B3GALNT2: variants seen among roughly 807,000 people sequenced by gnomAD.
B3GALNT2 encodes beta-1,3-N-acetylgalactosaminyltransferase 2, also known as UDP-GalNAc:beta-1,3-N-acetylgalactosaminyltransferase 2.
A neutral mutation model predicts 61.1 loss-of-function variants in B3GALNT2; 53 were observed. The ratio of observed to expected loss-of-function variants is 0.87; its 90% confidence interval spans 0.70 to 1.09. The LOEUF is 1.09. Ranked by LOEUF, B3GALNT2 falls within the 50% of genes least tolerant of loss-of-function variation. The pLI is 0.00. For missense variants in B3GALNT2, 544 were observed against 623.0 expected (o/e 0.87, Z 1.35); for synonymous variants, 223 against 237.4 (o/e 0.94, Z 0.56).
chr1:235,467,103 C>G (rs1216645114), intron 6 of B3GALNT2, among the ~76,000 whole-genome samples: 1 of 152,138 alleles, frequency 6.6e-6, no homozygotes, highest in Non-Finnish European at 1.5e-5. Flanking sequence ...AATCCCAGCA[C>G]TTTGGGAGGC....
Position 235,449,026 on chromosome 1 carries a change from A to G in B3GALNT2, c.*1180T>C, listed in dbSNP as rs534021496. On this transcript the variant is annotated 3_prime_UTR_variant, in exon 12 of 12. Transcript: ENST00000366600. ...ACAGCTCATCACTGCATTTCATGAT[A>G]AGATTTAAATATTAAATAGAAAGAA... 2.6e-6 allele frequency: 1 copy of G among 377,566 alleles called. No individual in the cohort carries two copies. The highest frequency in any genetic ancestry group is 2.1e-5 in the African/African-American group (1 of 48,174). 23.4% of individuals were successfully genotyped at this position (377,566 alleles called of 1,614,324 possible). A position where few individuals can be genotyped will look rare whatever the true frequency, so the allele number is the denominator to read the frequency against.
intron 8 of B3GALNT2, 130 bp downstream of exon 8, chr1:235,458,473 T>G: frequency 8.1e-7 from 1 of 1,232,686 alleles, no homozygotes; most frequent in African/African-American, 1.6e-5. Context: ...TTGCCTGCAC[T>G]CAGGAGTTCA....
At chr1:235,441,607 C>T in the B3GALNT2 span, 1 of 579,024 alleles carries the variant, frequency 1.7e-6, no homozygotes, top group Non-Finnish European at 3.1e-6. Context: ...ACAGAGTCTG[C>T]AGCTCTGGGT....
chr1:235,450,103 G>C lies in B3GALNT2; in HGVS notation c.*103C>G, dbSNP rs548504968. The C allele has an allele frequency of 2.8e-4, 389 of 1,406,174 alleles. 5 individuals are homozygous for C. The South Asian group carries it at 4.6e-3, about 17-fold the overall frequency. 87.1% of individuals were successfully genotyped at this position (1,406,174 alleles called of 1,614,324 possible). ...GAAAGTGCCAGTCTGGAACTCTCTT[G>C]AAAGACCATACAGTCTACTGCTAAA... is the stretch of plus-strand genomic sequence containing the variant. On this transcript the variant is annotated 3_prime_UTR_variant, in exon 12 of 12. Transcript: ENST00000366600.
intron 2 of B3GALNT2, among the ~76,000 whole-genome samples, chr1:235,493,035 A>G (rs138935591): frequency 8.5e-5 from 13 of 152,304 alleles, no homozygotes; most frequent in African/African-American, 2.9e-4. Flanking sequence ...TAAAAGGATC[A>G]CTCTGGCTGC....
chr1:235,447,598 G>T lies in B3GALNT2; in HGVS notation c.*2608C>A, dbSNP rs1402801622. ...GTTGGCACCCTAATTTTACAGAGGGGGAACTAAGGCCAGAGTTGAGAGATG... is the reference window on the plus strand; with the variant it reads ...GTTGGCACCCTAATTTTACAGAGGGTGAACTAAGGCCAGAGTTGAGAGATG... On this transcript the variant is annotated 3_prime_UTR_variant, in exon 12 of 12. Transcript: ENST00000366600. Among the ~76,000 whole-genome samples the T allele has an allele frequency of 6.6e-6, 1 of 152,086 alleles. No homozygotes were observed. Among genetic ancestry groups the T allele is most frequent in the Non-Finnish European group, 1.5e-5 (1 of 68,020 alleles).
chr1:235,485,574 G>A (rs1432622274), intron 3 of B3GALNT2, among the ~76,000 whole-genome samples: 1 of 152,130 alleles, frequency 6.6e-6, no homozygotes, highest in Non-Finnish European at 1.5e-5. Context: ...GGGATTACAG[G>A]CATGAGCCAC....
At chr1:235,443,285 T>C (rs1682028116), downstream of B3GALNT2, among the ~76,000 whole-genome samples, 1 of 152,124 alleles carries the variant, frequency 6.6e-6, no homozygotes. Flanking sequence ...CACGGCAGCC[T>C]CTGCTTCCTG....
At chr1:235,495,272 T>C (rs1372307130) in intron 1 of B3GALNT2, among the ~76,000 whole-genome samples, 1 of 152,182 alleles carries the variant, frequency 6.6e-6, no homozygotes, top group Admixed American at 6.6e-5. Context: ...ATAAAGCTGT[T>C]GTAAAAATTA....
rs1238205977 is a variant in B3GALNT2 at position 235,447,346 on chromosome 1, T to C, written c.*2860A>G. ...TTGTAGGAACACCACACTATTGCTG[T>C]ATCTCCAGCTAAAGCTTCAAGGAAA... On this transcript the variant is annotated 3_prime_UTR_variant, in exon 12 of 12. Coordinates refer to ENST00000366600, the MANE Select transcript of B3GALNT2 (RefSeq NM_152490.5). Among the ~76,000 whole-genome samples the C allele has an allele frequency of 1.3e-5, 2 of 152,234 alleles. No individual in the cohort carries two copies. Among genetic ancestry groups the C allele is most frequent in the Non-Finnish European group, 2.9e-5 (2 of 68,042 alleles).
At chr1:235,460,588 T>C (rs575781751) in intron 7 of B3GALNT2, among the ~76,000 whole-genome samples, 5 of 151,994 alleles carry the variant, frequency 3.3e-5, no homozygotes, top group South Asian at 4.1e-4. Context: ...GTTTTTTTTT[T>C]TTTGAGACAG....
At chr1:235,458,563 A>T in intron 8 of B3GALNT2, 40 bp downstream of exon 8, 1 of 1,539,936 alleles carries the variant, frequency 6.5e-7, no homozygotes, top group Non-Finnish European at 8.7e-7. Flanking sequence ...AAAACTAACA[A>T]TAAAACAAGT....
intron 8 of B3GALNT2, among the ~76,000 whole-genome samples, chr1:235,455,916 CAAAG>C (rs1031157757): frequency 6.6e-6 from 1 of 152,202 alleles, no homozygotes; most frequent in African/African-American, 2.4e-5. Flanking sequence ...TTTTAAAAGG[CAAAG>C]AAAGAGCATA....
intron 5 of B3GALNT2, among the ~76,000 whole-genome samples, chr1:235,475,341 T>A (rs1684225429): frequency 6.6e-6 from 1 of 151,966 alleles, no homozygotes; most frequent in South Asian, 2.1e-4. Flanking sequence ...TCTTCACTTG[T>A]GAAGAATCAC....
At chr1:235,482,045 T>C (rs1467600249) in intron 4 of B3GALNT2, among the ~76,000 whole-genome samples, 3 of 152,192 alleles carry the variant, frequency 2.0e-5, no homozygotes, top group Non-Finnish European at 4.4e-5. Flanking sequence ...TCAACATTAA[T>C]AATACAAACA....
chr1:235,479,820 A>T, intron 5 of B3GALNT2: 1 of 443,392 alleles, frequency 2.3e-6, no homozygotes, highest in South Asian at 5.4e-5. Flanking sequence ...TAAACTACGG[A>T]AACATGCAAT....
intron 2 of B3GALNT2, among the ~76,000 whole-genome samples, chr1:235,492,993 T>C (rs1051317408): frequency 2.6e-5 from 4 of 152,146 alleles, no homozygotes; most frequent in African/African-American, 9.7e-5. Context: ...TGGAGGGGTA[T>C]GAATAGAGAA....
chr1:235,497,904 G>A (rs1439039619), intron 1 of B3GALNT2, among the ~76,000 whole-genome samples: 1 of 152,090 alleles, frequency 6.6e-6, no homozygotes, highest in Non-Finnish European at 1.5e-5. Flanking sequence ...ACCTCTTTTT[G>A]ATCTTATTCC....
At chr1:235,480,247 C>T (rs1399099928) in intron 4 of B3GALNT2, 98 bp from the exon 5 acceptor site, 2 of 1,502,966 alleles carry the variant, frequency 1.3e-6, no homozygotes, top group African/African-American at 1.4e-5. Flanking sequence ...CAGCTAAATC[C>T]ACAATGGCCC....
Sources: gnomAD v4.1 joint callset for allele counts (sites outside exome capture counted in the v4.1 genomes callset) on GRCh38, gnomAD v4.1.1 for gene constraint, MANE v1.5 for transcripts, NCBI Gene and HGNC (gene_info 2026-07-23, HGNC 2026-07-21) for gene names.